AVEN: variants seen among roughly 807,000 people sequenced by gnomAD.
AVEN encodes apoptosis and caspase activation inhibitor.
AVEN carries 41 observed loss-of-function variants against 38.1 expected under a neutral mutation model. The observed-to-expected ratio is 1.08, with a 90% confidence interval of 0.84 to 1.40. AVEN has a LOEUF of 1.40. Among genes scored for constraint, AVEN ranks in the 40% most tolerant of loss-of-function variants. The pLI is 0.00. For synonymous variants in AVEN, 206 were observed against 171.8 expected (o/e 1.20, Z -1.56); for missense variants, 605 against 438.8 (o/e 1.38, Z -3.38).
At chr15:33,962,846 G>A (rs1895241161) in intron 2 of AVEN, among the ~76,000 whole-genome samples, 1 of 145,760 alleles carries the variant, frequency 6.9e-6, no homozygotes, top group South Asian at 2.1e-4. Context: ...TGTGAACCCA[G>A]GAGGCGGAGC....
At chr15:33,935,224 A>T (rs1439402193) in intron 2 of AVEN, among the ~76,000 whole-genome samples, 3 of 152,204 alleles carry the variant, frequency 2.0e-5, no homozygotes, top group Non-Finnish European at 4.4e-5. Context: ...TCGTCATAAA[A>T]ATGATTTTCA....
At chr15:34,070,209 G>A (rs1260753094) in intron 2 of AVEN, among the ~76,000 whole-genome samples, 1 of 152,112 alleles carries the variant, frequency 6.6e-6, no homozygotes, top group Admixed American at 6.6e-5. Context: ...CAGCACGGGG[G>A]AAACCGCCTC....
At chr15:33,909,301 G>C (rs745696776) in intron 2 of AVEN, among the ~76,000 whole-genome samples, 1 of 152,104 alleles carries the variant, frequency 6.6e-6, no homozygotes, top group Non-Finnish European at 1.5e-5. Flanking sequence ...CAGAGAAAGA[G>C]ACAAAAGTAA....
chr15:33,970,694 G>A (rs535473174), intron 2 of AVEN, among the ~76,000 whole-genome samples: 3 of 151,954 alleles, frequency 2.0e-5, no homozygotes, highest in African/African-American at 7.2e-5. Context: ...TTGGACAAAA[G>A]TATGAAATTT....
chr15:33,864,484 A>G (rs1326746448), downstream of AVEN, among the ~76,000 whole-genome samples: 1 of 152,166 alleles, frequency 6.6e-6, no homozygotes, highest in Non-Finnish European at 1.5e-5. Flanking sequence ...TAAGAAATGG[A>G]GTGGGTGGCT....
intron 3 of AVEN, among the ~76,000 whole-genome samples, chr15:33,874,150 GTGT>G (rs1329762859): frequency 6.6e-6 from 1 of 151,898 alleles, no homozygotes; most frequent in East Asian, 1.9e-4. Flanking sequence ...CTCATTTTGA[GTGT>G]TTCATATGCA....
At chr15:33,890,875 G>A (rs1891916189) in intron 2 of AVEN, among the ~76,000 whole-genome samples, 1 of 152,164 alleles carries the variant, frequency 6.6e-6, no homozygotes, top group South Asian at 2.1e-4. Context: ...ACTTTGGGAG[G>A]CTGAAGAGGA....
downstream of AVEN, chr15:33,865,436 T>A (rs569652283): frequency 1.6e-5 from 8 of 507,182 alleles, no homozygotes; most frequent in Non-Finnish European, 2.4e-5. Context: ...TGTCAAAATG[T>A]CGAAGAAGGA....
At position 33,866,737 on chromosome 15, in the gene AVEN, A is replaced by G; in HGVS notation, c.974-9T>C. 1.3e-6 allele frequency: 2 copies of G among 1,596,730 alleles called. No individual in the cohort carries two copies. Among genetic ancestry groups the G allele is most frequent in the Non-Finnish European group, 1.7e-6 (2 of 1,164,540 alleles). ...AGATGGTTTTGCACAAACTGGGGGA[A>G]AAAAAACAATGTTAACACCCTCAGA... On this transcript the variant is annotated splice_polypyrimidine_tract_variant and intron_variant, in intron 5 of 5. Transcript: ENST00000306730.
intron 1 of AVEN, among the ~76,000 whole-genome samples, chr15:34,017,954 A>T (rs1898018048): frequency 6.6e-6 from 1 of 152,212 alleles, no homozygotes; most frequent in African/African-American, 2.4e-5. Context: ...CTGTGGCGAT[A>T]CTGATGTAAA....
rs192681626 is a variant in AVEN at position 34,028,608 on chromosome 15, G to C, written c.267+10172C>G. On this transcript the variant is annotated intron_variant, in intron 1 of 5. Transcript: ENST00000306730. ...CAACAAAAAAGAAGACCCTGAATGA[G>C]AGAGGACAGCAAAGTGGCAAAGTGA... is the stretch of plus-strand genomic sequence containing the variant. 4.9e-4 allele frequency among the ~76,000 whole-genome samples: 75 copies of C among 152,258 alleles called. 1 individual carries two copies. Among genetic ancestry groups the C allele is most frequent in the African/African-American group, 1.6e-3 (68 of 41,544 alleles).
chr15:33,966,197 A>G (rs505720), intron 2 of AVEN, among the ~76,000 whole-genome samples: 122,340 of 152,106 alleles, frequency 0.8, 54,285 homozygotes, highest in Non-Finnish European at 0.97. Flanking sequence ...GCATATTTGC[A>G]AAGTGTTCTC....
At chr15:33,919,323 A>G (rs928023893) in intron 2 of AVEN, among the ~76,000 whole-genome samples, 1 of 152,210 alleles carries the variant, frequency 6.6e-6, no homozygotes, top group Non-Finnish European at 1.5e-5. Flanking sequence ...ACGTCTAAAA[A>G]CATTAGATAA....
At chr15:33,990,840 A>G (rs1257785339) in intron 2 of AVEN, 1 of 152,266 alleles carries the variant, frequency 6.6e-6, no homozygotes, top group Non-Finnish European at 1.5e-5. Flanking sequence ...ACCTCTGGAA[A>G]TAACAAAATT....
chr15:33,900,988 C>T (rs894907439), intron 2 of AVEN, among the ~76,000 whole-genome samples: 8 of 152,244 alleles, frequency 5.3e-5, no homozygotes, highest in African/African-American at 1.7e-4. Flanking sequence ...TTACACTGGC[C>T]AGGCACGGTG....
intron 2 of AVEN, among the ~76,000 whole-genome samples, chr15:33,944,010 A>G (rs1033923477): frequency 1.3e-5 from 2 of 152,084 alleles, no homozygotes; most frequent in Non-Finnish European, 2.9e-5. Flanking sequence ...CCAGGATTAC[A>G]CGCATGAACC....
intron 1 of AVEN, among the ~76,000 whole-genome samples, chr15:34,018,807 C>A (rs1029473405): frequency 2.0e-5 from 3 of 152,094 alleles, no homozygotes; most frequent in African/African-American, 7.2e-5. Context: ...GGTGCATTTA[C>A]AATCATTTAG....
In AVEN at chr15:34,063,530, G is replaced by A; in HGVS notation, n.1127-98C>T. On this transcript the variant is annotated intron_variant and non_coding_transcript_variant, in intron 4 of 11. Transcript: ENST00000675287. This position sits in a 1 kb window ranked among gnomAD's most constrained non-coding sequence, Gnocchi z 4.1. ...AGCGGGAAAGGAACCAGGCCTCCTGGTCATCCTCCCGCAGGAGCACCTCCA... is the reference window on the plus strand; with the variant it reads ...AGCGGGAAAGGAACCAGGCCTCCTGATCATCCTCCCGCAGGAGCACCTCCA... The A allele has an allele frequency of 6.2e-7, 1 of 1,613,606 alleles. No homozygotes were observed. The highest frequency in any genetic ancestry group is 8.5e-7 in the Non-Finnish European group (1 of 1,180,032).
In AVEN at chr15:33,938,255, A is replaced by C. The variant is rs536622060; in HGVS notation, c.446-62260T>G. 3.9e-5 allele frequency among the ~76,000 whole-genome samples: 6 copies of C among 152,242 alleles called. No individual in the cohort carries two copies. In the South Asian group the frequency reaches 1.2e-3, roughly 32 times the overall value. ...CGGATCACGAGGTCAGGAGATCGAG[A>C]CCATCCTGGCTAACACGGTGAAACC... On this transcript the variant is annotated intron_variant, in intron 2 of 5. Transcript: ENST00000306730.
Sources: gnomAD v4.1 joint callset for allele counts (sites outside exome capture counted in the v4.1 genomes callset) on GRCh38, gnomAD v4.1.1 for gene constraint, Gnocchi (gnomAD v3.1) non-coding constraint, MANE v1.5 for transcripts, NCBI Gene and HGNC (gene_info 2026-07-23, HGNC 2026-07-21) for gene names.